Variants in SYTL5 observed in about 807,000 individuals in gnomAD.
The protein encoded by SYTL5 is synaptotagmin-like protein 5.
In SYTL5, 34 loss-of-function variants were observed where a neutral mutation model predicts 55.9. That is an observed-to-expected ratio of 0.61 (90% CI 0.46 to 0.81). SYTL5 has a LOEUF of 0.81. SYTL5 is among the 30% of genes least tolerant of loss of function. The pLI is 0.00. For synonymous variants in SYTL5, 221 were observed against 188.7 expected (o/e 1.17, Z -1.40); for missense variants, 637 against 546.7 (o/e 1.17, Z -1.65).
chrX:38,012,800 A>G (rs367920525), intron 1 of SYTL5, among the ~76,000 whole-genome samples: 2 of 112,149 alleles, frequency 1.8e-5, no homozygotes, highest in Non-Finnish European at 3.8e-5. Flanking sequence ...ATCAAAGATC[A>G]GTTTTCAAAC....
At chrX:38,085,660 A>T (rs763858385) in intron 6 of SYTL5, among the ~76,000 whole-genome samples, 2 of 111,626 alleles carry the variant, frequency 1.8e-5, no homozygotes, top group Non-Finnish European at 3.8e-5. Context: ...TCATTGTCCC[A>T]GTGAGTTTTA....
Position 38,126,597 on chromosome X carries a change from A to G in SYTL5, c.2060A>G (p.His687Arg). 2.5e-6 allele frequency: 3 copies of G among 1,211,642 alleles called. No homozygotes were observed. The highest frequency in any genetic ancestry group is 2.2e-6 in the Non-Finnish European group (2 of 895,410). The change falls in exon 17 of 17, where the codon CAT becomes CGT. Residue 687 changes from histidine to arginine, a missense_variant. Transcript: ENST00000297875. ...VRLNSGSGVS[H>R]GKNVDWMDSQ... ...CGTTTCGCCTCTTCAGGTGTGAGCC[A>G]TGGGAAGAACGTGGATTGGATGGAC...
chrX:38,064,058 CAT>C (rs58565070), intron 3 of SYTL5, among the ~76,000 whole-genome samples: 10,392 of 96,110 alleles, frequency 0.11, 510 homozygotes, highest in African/African-American at 0.23. Context: ...TATAGATATA[CAT>C]ATATATATGT....
chrX:38,043,502 G>C (rs764989114), intron 2 of SYTL5, among the ~76,000 whole-genome samples: 2 of 102,207 alleles, frequency 2.0e-5, no homozygotes, highest in Non-Finnish European at 4.0e-5. Context: ...ATATTGTCTG[G>C]TACATATTTT....
chrX:38,042,884 A>C (rs986636257), intron 2 of SYTL5, among the ~76,000 whole-genome samples: 7 of 111,957 alleles, frequency 6.3e-5, no homozygotes, highest in Non-Finnish European at 1.3e-4. Flanking sequence ...TTCACTAATA[A>C]AAATGTCACC....
chrX:38,019,684 C>T (rs1934479286), intron 1 of SYTL5, among the ~76,000 whole-genome samples: 1 of 111,325 alleles, frequency 9.0e-6, no homozygotes, highest in South Asian at 3.8e-4. Flanking sequence ...GGCTGGAGTG[C>T]AGTGGCGTGT....
chrX:37,909,732 T>C, the SYTL5 span, among the ~76,000 whole-genome samples: 5 of 109,871 alleles, frequency 4.6e-5, no homozygotes, highest in Non-Finnish European at 9.5e-5. Flanking sequence ...TGGAGTGCAA[T>C]GGCGTGATCT....
the SYTL5 span, among the ~76,000 whole-genome samples, chrX:37,901,216 T>A: frequency 8.9e-6 from 1 of 112,270 alleles, no homozygotes; most frequent in African/African-American, 3.2e-5. Context: ...CACCTTACCT[T>A]GGGAGCAGAT....
chrX:38,082,440 C>G (rs777791808), intron 6 of SYTL5, among the ~76,000 whole-genome samples: 18 of 111,974 alleles, frequency 1.6e-4, no homozygotes, highest in Non-Finnish European at 3.2e-4. Context: ...GTCATCTATG[C>G]ATTCTATTCA....
chrX:38,026,652 A>T (rs760410847), intron 1 of SYTL5, among the ~76,000 whole-genome samples: 2 of 112,326 alleles, frequency 1.8e-5, no homozygotes, highest in African/African-American at 6.5e-5. Context: ...TTTAGATCAT[A>T]CAGGGTAACT....
chrX:38,078,153 C>T (rs7051806), intron 6 of SYTL5, among the ~76,000 whole-genome samples: 4,777 of 112,183 alleles, frequency 0.043, 254 homozygotes, highest in African/African-American at 0.15. Context: ...TCTTTTTGCT[C>T]AGCCTCCTGG....
chrX:37,964,828 G>T, the SYTL5 span, among the ~76,000 whole-genome samples: 1 of 110,415 alleles, frequency 9.1e-6, no homozygotes, highest in African/African-American at 3.3e-5. Context: ...TTGGTAATTT[G>T]TATGTTTCTA....
Position 38,007,522 on chromosome X carries a change from T to C in SYTL5, c.-357+854T>C, listed in dbSNP as rs544505003. Among the ~76,000 whole-genome samples, 10 of 111,999 alleles carry C rather than the reference T, an allele frequency of 8.9e-5. No homozygotes were observed. The South Asian group carries it at 3.3e-3, about 37-fold the overall frequency. On this transcript the variant is annotated intron_variant, in intron 1 of 16. Transcript: ENST00000297875. Reference sequence around the variant, plus strand: ...AAACAGGAGTTATATATTTATAGCATTCAAAATAGTATAAAATATTGTTTA... The same window carrying C: ...AAACAGGAGTTATATATTTATAGCACTCAAAATAGTATAAAATATTGTTTA...
At chrX:38,040,892 A>G (rs1935266344) in intron 2 of SYTL5, among the ~76,000 whole-genome samples, 1 of 111,993 alleles carries the variant, frequency 8.9e-6, no homozygotes, top group African/African-American at 3.3e-5. Context: ...AGGAACTGCC[A>G]AACTGTTCTC....
the SYTL5 span, among the ~76,000 whole-genome samples, chrX:37,953,996 GA>G: frequency 1.8e-5 from 2 of 111,411 alleles, no homozygotes; most frequent in Non-Finnish European, 3.8e-5. Context: ...TCAAGTTAAA[GA>G]AAAAAAGAGA....
At chrX:38,071,260 C>A (rs1008796927) in intron 3 of SYTL5, among the ~76,000 whole-genome samples, 2 of 111,506 alleles carry the variant, frequency 1.8e-5, no homozygotes, top group Admixed American at 1.9e-4. Flanking sequence ...ATAAGCATTT[C>A]AGGAGGGAAG....
intron 1 of SYTL5, among the ~76,000 whole-genome samples, chrX:38,008,105 T>C (rs763007232): frequency 2.7e-5 from 3 of 111,716 alleles, no homozygotes; most frequent in Non-Finnish European, 5.7e-5. Flanking sequence ...AATGTAGCTT[T>C]AATATGTAAA....
the SYTL5 span, among the ~76,000 whole-genome samples, chrX:37,925,799 C>G: frequency 1.8e-5 from 2 of 111,259 alleles, no homozygotes; most frequent in South Asian, 7.6e-4. Flanking sequence ...TTATATCATT[C>G]TTATGCCTTT....
At chrX:38,090,914 G>A (rs1274831442) in intron 7 of SYTL5, among the ~76,000 whole-genome samples, 1 of 112,342 alleles carries the variant, frequency 8.9e-6, no homozygotes, top group Admixed American at 9.4e-5. Context: ...GTTCAAGGAA[G>A]AGGAAGGAGG....
Sources: allele counts gnomAD v4.1 joint callset (sites outside exome capture counted in the v4.1 genomes callset), GRCh38; gene constraint gnomAD v4.1.1; transcripts MANE v1.5; gene names NCBI Gene and HGNC (gene_info 2026-07-23, HGNC 2026-07-21).